NAA11: variants seen among roughly 807,000 people sequenced by gnomAD.
The protein encoded by NAA11 is N-alpha-acetyltransferase 11, NatA catalytic subunit, also known as N-alpha-acetyltransferase 11.
A neutral mutation model predicts 16.1 loss-of-function variants in NAA11; 15 were observed. The ratio of observed to expected loss-of-function variants is 0.93; its 90% confidence interval spans 0.62 to 1.44. NAA11 has a LOEUF of 1.44. NAA11 is among the 40% of genes most tolerant of loss of function. The pLI, the probability that NAA11 is intolerant of heterozygous loss-of-function variation, is 0.00. For synonymous variants in NAA11, 122 were observed against 112.4 expected (o/e 1.09, Z -0.54); for missense variants, 298 against 291.3 (o/e 1.02, Z -0.17).
intron 2 of NAA11, among the ~76,000 whole-genome samples, chr4:79,290,449 C>T (rs568998790): frequency 6.6e-6 from 1 of 152,314 alleles, no homozygotes; most frequent in African/African-American, 2.4e-5. Context: ...ATCCTTTCCT[C>T]TCCCTCTGCT....
chr4:79,291,896 G>A (rs1723095795), intron 2 of NAA11, among the ~76,000 whole-genome samples: 1 of 152,100 alleles, frequency 6.6e-6, no homozygotes, highest in Admixed American at 6.5e-5. Context: ...CAAAATTTGA[G>A]ATGTGGGTAG....
At chr4:79,309,664 G>T (rs1291984680) in intron 1 of NAA11, among the ~76,000 whole-genome samples, 2 of 139,454 alleles carry the variant, frequency 1.4e-5, no homozygotes, top group Non-Finnish European at 3.1e-5. Context: ...TCTTAACGTA[G>T]TATTTATTGT....
rs867676918 is a variant in NAA11, at chr4:79,325,462, G to A, written c.416C>T (p.Ala139Val). ...QISEVEPKYY[A>V]DGEDAYAMKR... Reference sequence around the variant, plus strand: ...CATAGCATAAGCATCTTCCCCATCTGCATAGTATTTAGGTTCCACCTCACT... The same window carrying A: ...CATAGCATAAGCATCTTCCCCATCTACATAGTATTTAGGTTCCACCTCACT... Residue 139 changes from alanine to valine, a missense_variant, in exon 1 of 2, where the codon GCA (alanine) becomes GTA (valine). Transcript: ENST00000286794. 3 of 1,614,070 alleles carry A rather than the reference G, an allele frequency of 1.9e-6. No homozygotes were observed. In the African/African-American group the frequency reaches 4.0e-5, roughly 22 times the overall value.
At chr4:79,299,446 CAGAA>C (rs1723325473) in intron 1 of NAA11, 1 of 152,152 alleles carries the variant, frequency 6.6e-6, no homozygotes, top group Non-Finnish European at 1.5e-5. Flanking sequence ...ATTTGTCCAG[CAGAA>C]AGAGACTAAA....
the NAA11 span, among the ~76,000 whole-genome samples, chr4:79,160,181 G>A: frequency 2.0e-5 from 3 of 151,858 alleles, no homozygotes; most frequent in Admixed American, 1.3e-4. Context: ...TAGTAGAGAT[G>A]GGGTTTCACC....
the NAA11 span, among the ~76,000 whole-genome samples, chr4:79,192,984 A>G: frequency 1.1e-4 from 17 of 152,224 alleles, no homozygotes; most frequent in Admixed American, 5.9e-4. Flanking sequence ...GCCAGTGATG[A>G]TGAGCATTTT....
At chr4:79,294,640 A>T (rs551967090) in intron 1 of NAA11, among the ~76,000 whole-genome samples, 1 of 152,288 alleles carries the variant, frequency 6.6e-6, no homozygotes, top group Non-Finnish European at 1.5e-5. Context: ...GCTTTGTTCA[A>T]ATCACTCTCT....
At chr4:79,279,718 G>T (rs1328729596) in intron 2 of NAA11, among the ~76,000 whole-genome samples, 1 of 151,996 alleles carries the variant, frequency 6.6e-6, no homozygotes, top group Non-Finnish European at 1.5e-5. Flanking sequence ...AGTTAATAAA[G>T]GTGAAAATAT....
chr4:79,216,267 G>A, the NAA11 span, among the ~76,000 whole-genome samples: 8 of 151,930 alleles, frequency 5.3e-5, no homozygotes, highest in African/African-American at 1.7e-4. Context: ...TAGAATATCT[G>A]TTAATATTAT....
intron 2 of NAA11, among the ~76,000 whole-genome samples, chr4:79,278,245 G>C (rs933559133): frequency 2.0e-5 from 3 of 151,884 alleles, no homozygotes; most frequent in African/African-American, 7.3e-5. Context: ...ACCTGATCTT[G>C]TCCCCTCAAA....
At chr4:79,208,982 A>G in the NAA11 span, among the ~76,000 whole-genome samples, 1 of 146,052 alleles carries the variant, frequency 6.8e-6, no homozygotes, top group Non-Finnish European at 1.5e-5. Flanking sequence ...TGCTTCTGGA[A>G]CAAAATTTTC....
At chr4:79,268,012 G>A (rs1722389448) in intron 2 of NAA11, among the ~76,000 whole-genome samples, 1 of 150,740 alleles carries the variant, frequency 6.6e-6, no homozygotes, top group African/African-American at 2.4e-5. Flanking sequence ...AGCCCTTGAA[G>A]ACAAATGTGA....
At chr4:79,305,305 A>G (rs1432190876) in intron 1 of NAA11, 1 of 152,234 alleles carries the variant, frequency 6.6e-6, no homozygotes, top group Non-Finnish European at 1.5e-5. Flanking sequence ...TTATCCAAAA[A>G]TCTTGGAAAA....
At chr4:79,267,824 G>T (rs1283399179) in intron 2 of NAA11, among the ~76,000 whole-genome samples, 1 of 152,080 alleles carries the variant, frequency 6.6e-6, no homozygotes, top group African/African-American at 2.4e-5. Context: ...TGTGGGAGCT[G>T]ACGTTTGCAT....
At chr4:79,204,215 C>A in the NAA11 span, among the ~76,000 whole-genome samples, 1 of 151,734 alleles carries the variant, frequency 6.6e-6, no homozygotes, top group East Asian at 1.9e-4. Context: ...TGCAAAAAGG[C>A]TCATGACAAT....
chr4:79,183,963 GACA>G, the NAA11 span, among the ~76,000 whole-genome samples: 14,171 of 152,040 alleles, frequency 0.093, 837 homozygotes, highest in African/African-American at 0.17. Context: ...GCTCTACCTT[GACA>G]ACAACATTTA....
rs79666694 is a variant in NAA11, at chr4:79,310,074, C to T, written c.*12+15102G>A. Among the ~76,000 whole-genome samples, 956 of 152,212 alleles carry T rather than the reference C, an allele frequency of 6.3e-3. 12 individuals are homozygous for T. Among genetic ancestry groups the T allele is most frequent in the African/African-American group, 0.021 (887 of 41,524 alleles). ...TATAATTTTTATTGGCTCAATTATT[C>T]CTCATCTGTGAACCACTCATTTTCA... On this transcript the variant is annotated intron_variant and NMD_transcript_variant, in intron 1 of 2. Transcript: ENST00000511542.
chr4:79,270,136 G>C (rs1326656625), intron 2 of NAA11, among the ~76,000 whole-genome samples: 6 of 148,792 alleles, frequency 4.0e-5, no homozygotes, highest in East Asian at 2.0e-4. Flanking sequence ...GTCAGGTAGT[G>C]TGATGCCTCC....
chr4:79,245,772 C>A (rs1263871064), intron 2 of NAA11, among the ~76,000 whole-genome samples: 1 of 149,836 alleles, frequency 6.7e-6, no homozygotes, highest in Non-Finnish European at 1.5e-5. Context: ...GGTAGGGGGG[C>A]GCCTCCGCCC....
Sources: allele counts gnomAD v4.1 joint callset (sites outside exome capture counted in the v4.1 genomes callset), GRCh38; gene constraint gnomAD v4.1.1; transcripts MANE v1.5; gene names NCBI Gene and HGNC (gene_info 2026-07-23, HGNC 2026-07-21).